The following COL11A2 variants were observed in gnomAD, a reference collection of about 807,000 sequenced individuals.
COL11A2 encodes collagen alpha-2(XI) chain.
Under a neutral mutation model 273.4 loss-of-function variants are expected in COL11A2, and 116 were observed. That is an observed-to-expected ratio of 0.42 (90% CI 0.36 to 0.49). The LOEUF is 0.49. Among genes scored for constraint, COL11A2 ranks in the 20% least tolerant of loss-of-function variants. COL11A2 has a pLI of 0.00. For synonymous variants in COL11A2, 782 were observed against 864.2 expected (o/e 0.90, Z 1.67); for missense variants, 1,866 against 2,309.0 (o/e 0.81, Z 3.93).
In COL11A2 at chr6:33,167,964, C is replaced by T. The variant is rs77011831; in HGVS notation, c.3961-112G>A. 1.3e-3 allele frequency: 1,510 copies of T among 1,140,754 alleles called. 30 individuals carry two copies. In the East Asian group the frequency reaches 0.028, roughly 21 times the overall value. 70.7% of individuals were successfully genotyped at this position (1,140,754 alleles called of 1,614,324 possible). Reference sequence around the variant, plus strand: ...ACACATGCACACACACACGTGCATACACAGGGACACGCGCCGAGGGCCGAT... The same window carrying T: ...ACACATGCACACACACACGTGCATATACAGGGACACGCGCCGAGGGCCGAT... On this transcript the variant is annotated intron_variant, in intron 54 of 65. Transcript: ENST00000341947. This position sits in a 1 kb window ranked among gnomAD's most constrained non-coding sequence, Gnocchi z 6.1.
chr6:33,181,088 G>A, intron 9 of COL11A2, 23 bp downstream of exon 9: 1 of 1,614,098 alleles, frequency 6.2e-7, no homozygotes, highest in East Asian at 2.2e-5. Context: ...CACTGCCTCA[G>A]CCCTGTGACC....
Position 33,178,036 on chromosome 6 carries a change from C to A in COL11A2, c.1872+96G>T, listed in dbSNP as rs1031166712. ...GAGCTCACAGGGAATGGGAAGCATG[C>A]CGAGAGAGGAGAGGGAGCAGGAAGG... On this transcript the variant is annotated intron_variant, in intron 21 of 65. Coordinates refer to ENST00000341947, the MANE Select transcript of COL11A2 (RefSeq NM_080680.3). This position sits in a 1 kb window ranked among gnomAD's most constrained non-coding sequence, Gnocchi z 4.6. The A allele has an allele frequency of 2.3e-6, 3 of 1,288,494 alleles. No individual in the cohort carries two copies. Among genetic ancestry groups the A allele is most frequent in the African/African-American group, 2.9e-5 (2 of 67,888 alleles). The allele number at this position is 1,288,494 out of a possible 1,614,324, so 79.8% of individuals were successfully genotyped here.
At chr6:33,182,555 A>C (rs1179678437) in intron 8 of COL11A2, among the ~76,000 whole-genome samples, 1 of 151,326 alleles carries the variant, frequency 6.6e-6, no homozygotes, top group Admixed American at 6.6e-5. Flanking sequence ...TACTAAAAAT[A>C]CAAAAAATAG....
chr6:33,170,850 G>T lies in COL11A2; in HGVS notation c.3434C>A (p.Thr1145Lys). 6.2e-7 allele frequency: 1 copy of T among 1,613,004 alleles called. No individual in the cohort carries two copies. The highest frequency in any genetic ancestry group is 8.5e-7 in the Non-Finnish European group (1 of 1,180,016). ...GHFGAKGDEGTRGFNGPPGPI... is the reference protein window; with the variant it reads ...GHFGAKGDEGKRGFNGPPGPI... ...TCCTGGGGGCCCATTGAATCCTCTT[G>T]TTCCTTCATCACCTTTGGCTCCAAA... The change falls in exon 46 of 66, where the codon ACA (threonine) becomes AAA (lysine). Residue 1145 changes from threonine to lysine, a missense_variant. Coordinates refer to ENST00000341947, the MANE Select transcript of COL11A2 (RefSeq NM_080680.3). This position sits in a 1 kb window ranked among gnomAD's most constrained non-coding sequence, Gnocchi z 4.3.
rs1325367204 is a variant in COL11A2 at position 33,167,364 on chromosome 6, C to T, written c.4123-47G>A. On this transcript the variant is annotated intron_variant, in intron 56 of 65. Transcript: ENST00000341947. The surrounding 1 kb of genome is among the most constrained non-coding windows in gnomAD (Gnocchi z 6.1). ...AGGGGTCAGGAGGAGCATCCCCACA[C>T]TGCACCCCTCCCATGGCCCCTCACT... is the stretch of plus-strand genomic sequence containing the variant. 1.2e-6 allele frequency: 2 copies of T among 1,612,770 alleles called. No individual in the cohort carries two copies. Among genetic ancestry groups the T allele is most frequent in the South Asian group, 2.2e-5 (2 of 91,070 alleles).
At position 33,179,453 on chromosome 6, in the gene COL11A2, T is replaced by C; in HGVS notation, c.1481A>G (p.Tyr494Cys). The C allele has an allele frequency of 6.4e-7, 1 of 1,568,838 alleles. No homozygotes were observed. The highest frequency in any genetic ancestry group is 8.6e-7 in the Non-Finnish European group (1 of 1,157,004). The change falls in exon 14 of 66, where the codon TAC becomes TGC. Residue 494 changes from tyrosine (Y) to cysteine (C), a missense_variant. Transcript: ENST00000341947. The surrounding 1 kb of genome is among the most constrained non-coding windows in gnomAD (Gnocchi z 6.4). ...ALRGPPGPMGYTGRPGPLGQP... is the reference protein window; with the variant it reads ...ALRGPPGPMGCTGRPGPLGQP... ...CACCAAGGGTCCAGGGCGCCCTGTGTATCCCATGGGGCCAGGGGGTCCACG... is the reference window on the plus strand; with the variant it reads ...CACCAAGGGTCCAGGGCGCCCTGTGCATCCCATGGGGCCAGGGGGTCCACG...
rs778687561 is a variant in COL11A2 at position 33,192,247 on chromosome 6, GA to G, written c.-8del. ...AGCGGCTGCACCGCTCCATGGCTGA[GA>G]AGCCGAAACGCCGGGTCCCAGGGAC... On this transcript the variant is annotated 5_prime_UTR_variant, in exon 1 of 66. Coordinates refer to ENST00000341947, the MANE Select transcript of COL11A2 (RefSeq NM_080680.3). 6.4e-7 allele frequency: 1 copy of G among 1,555,046 alleles called. No individual in the cohort carries two copies. Among genetic ancestry groups the G allele is most frequent in the African/African-American group, 1.4e-5 (1 of 73,546 alleles).
Position 33,177,116 on chromosome 6 carries a change from C to A in COL11A2, c.2016+65G>T. 1.2e-6 allele frequency: 2 copies of A among 1,612,470 alleles called. No individual in the cohort carries two copies. The highest frequency in any genetic ancestry group is 1.7e-6 in the Non-Finnish European group (2 of 1,179,630). On this transcript the variant is annotated intron_variant, in intron 24 of 65. Coordinates refer to ENST00000341947, the MANE Select transcript of COL11A2 (RefSeq NM_080680.3). This position sits in a 1 kb window ranked among gnomAD's most constrained non-coding sequence, Gnocchi z 5.9. ...TGGACACAGACAAAATCCCAGCAGA[C>A]ATTTAGGGTTCTCCCTACATCCCCA...
Position 33,165,783 on chromosome 6 carries a change from T to A in COL11A2, c.4516A>T (p.Ile1506Phe). 1 of 1,612,934 alleles carries A rather than the reference T, an allele frequency of 6.2e-7. No homozygotes were observed. The highest frequency in any genetic ancestry group is 8.5e-7 in the Non-Finnish European group (1 of 1,179,926). Reference sequence around the variant, plus strand: ...CGCCGAGTCTTCTTGGGCATCTGAATGGGCAGTGGCTGGATCACCTCGCCT... The same window carrying A: ...CGCCGAGTCTTCTTGGGCATCTGAAAGGGCAGTGGCTGGATCACCTCGCCT... ...PPGEVIQPLP[I>F]QMPKKTRRSV... is the part of the protein sequence containing the mutation. The change falls in exon 63 of 66, where the codon ATT becomes TTT. Residue 1506 changes from isoleucine (I) to phenylalanine (F), a missense_variant. Physicochemically the swap from Ile to Phe is conservative, Grantham distance 21. Coordinates refer to ENST00000341947, the MANE Select transcript of COL11A2 (RefSeq NM_080680.3). The surrounding 1 kb of genome is among the most constrained non-coding windows in gnomAD (Gnocchi z 7.7).
rs778456611 is a variant in COL11A2 at position 33,177,078 on chromosome 6, G to A, written c.2017-33C>T. 2 of 1,612,674 alleles carry A rather than the reference G, an allele frequency of 1.2e-6. No homozygotes were observed. Among genetic ancestry groups the A allele is most frequent in the Admixed American group, 1.7e-5 (1 of 59,986 alleles). On this transcript the variant is annotated intron_variant, in intron 24 of 65. Transcript: ENST00000341947. The surrounding 1 kb of genome is among the most constrained non-coding windows in gnomAD (Gnocchi z 5.9). ...AAGACAAAGAGGCTCAGGGTCACTA[G>A]AGGGGTCATGTCTGGACACAGACAA...
At chr6:33,192,553 C>T, upstream of COL11A2, 1 of 501,244 alleles carries the variant, frequency 2.0e-6, no homozygotes, top group South Asian at 2.2e-5. Flanking sequence ...CCCACAGCCA[C>T]CGAAGGGAAA....
chr6:33,166,923 G>T lies in COL11A2; in HGVS notation c.4231-96C>A. 1.3e-6 allele frequency: 2 copies of T among 1,518,712 alleles called. No individual in the cohort carries two copies. Among genetic ancestry groups the T allele is most frequent in the East Asian group, 2.4e-5 (1 of 42,374 alleles). 94.1% of individuals were successfully genotyped at this position (1,518,712 alleles called of 1,614,324 possible). A position where few individuals can be genotyped will look rare whatever the true frequency, so the allele number is the denominator to read the frequency against. On this transcript the variant is annotated intron_variant, in intron 58 of 65. Transcript: ENST00000341947. The surrounding 1 kb of genome is among the most constrained non-coding windows in gnomAD (Gnocchi z 4.8). ...GACATGGAGAGGGAGCCGGGCACAG[G>T]GTCCGTGAGTGGCCCTCACTGAGCA...
At chr6:33,185,328 TG>T (rs1772259358) in intron 6 of COL11A2, among the ~76,000 whole-genome samples, 1 of 151,722 alleles carries the variant, frequency 6.6e-6, no homozygotes, top group Non-Finnish European at 1.5e-5. Context: ...GGCCAGGCAG[TG>T]GGGGAAGCTG....
Position 33,175,559 on chromosome 6 carries a change from C to A in COL11A2, c.2376+15G>T, listed in dbSNP as rs112527721. 9.3e-6 allele frequency: 15 copies of A among 1,610,004 alleles called. No homozygotes were observed. Among genetic ancestry groups the A allele is most frequent in the Middle Eastern group, 1.7e-4 (1 of 6,042 alleles). On this transcript the variant is annotated intron_variant, in intron 30 of 65. Coordinates refer to ENST00000341947, the MANE Select transcript of COL11A2 (RefSeq NM_080680.3). ...ACCCCCAGAGGACCCAGGCACAGAA[C>A]CCTCATCCCATCACCTTCTCGCCCA...
Position 33,167,604 on chromosome 6 carries a change from A to T in COL11A2, c.4015-71T>A. 1 of 1,529,522 alleles carries T rather than the reference A, an allele frequency of 6.5e-7. No homozygotes were observed. The highest frequency in any genetic ancestry group is 9.0e-7 in the Non-Finnish European group (1 of 1,113,866). 94.7% of individuals were successfully genotyped at this position (1,529,522 alleles called of 1,614,324 possible). ...GTGTGGGCAGGGGGCAGAGGGTCCA[A>T]GGTGGGAGGCAGGAGGCAGGGAGGA... On this transcript the variant is annotated intron_variant, in intron 55 of 65. Transcript: ENST00000341947. The surrounding 1 kb of genome is among the most constrained non-coding windows in gnomAD (Gnocchi z 6.1).
At position 33,177,538 on chromosome 6, in the gene COL11A2, C is replaced by A; in HGVS notation, c.1918-73G>T. On this transcript the variant is annotated intron_variant, in intron 22 of 65. Coordinates refer to ENST00000341947, the MANE Select transcript of COL11A2 (RefSeq NM_080680.3). This position sits in a 1 kb window ranked among gnomAD's most constrained non-coding sequence, Gnocchi z 5.9. ...CACATTTAGAGCATGGAGCTGAGTC[C>A]CAGCAGCGATAGCCAAGAAGGCAAG... The A allele has an allele frequency of 6.3e-7, 1 of 1,589,846 alleles. No individual in the cohort carries two copies. The highest frequency in any genetic ancestry group is 8.6e-7 in the Non-Finnish European group (1 of 1,160,706).
In COL11A2 at chr6:33,189,970, G is replaced by T. The variant is rs377233561; in HGVS notation, c.83-501C>A. On this transcript the variant is annotated intron_variant, in intron 1 of 65. Coordinates refer to ENST00000341947, the MANE Select transcript of COL11A2 (RefSeq NM_080680.3). The surrounding 1 kb of genome is among the most constrained non-coding windows in gnomAD (Gnocchi z 5.6). Reference sequence around the variant, plus strand: ...TCTCTGGGTCTCTGGCATCTGTCCCGTCTCCAGCACAAACAACATCTGGGC... The same window carrying T: ...TCTCTGGGTCTCTGGCATCTGTCCCTTCTCCAGCACAAACAACATCTGGGC... Among the ~76,000 whole-genome samples, 1 of 151,992 alleles carries T rather than the reference G, an allele frequency of 6.6e-6. No individual in the cohort carries two copies. The highest frequency in any genetic ancestry group is 2.4e-5 in the African/African-American group (1 of 41,420).
At position 33,190,102 on chromosome 6, in the gene COL11A2, G is replaced by C. The variant is rs938100814; in HGVS notation, c.83-633C>G. 7.9e-5 allele frequency among the ~76,000 whole-genome samples: 12 copies of C among 152,100 alleles called. No homozygotes were observed. The highest frequency in any genetic ancestry group is 3.3e-4 in the Admixed American group (5 of 15,270). On this transcript the variant is annotated intron_variant, in intron 1 of 65. Coordinates refer to ENST00000341947, the MANE Select transcript of COL11A2 (RefSeq NM_080680.3). This position sits in a 1 kb window ranked among gnomAD's most constrained non-coding sequence, Gnocchi z 4.5. ...GCAGCTACAGATCCCAGGTTTGGGGGATGGGGTGGGAACAACCCTGAGCAT... is the reference window on the plus strand; with the variant it reads ...GCAGCTACAGATCCCAGGTTTGGGGCATGGGGTGGGAACAACCCTGAGCAT...
At position 33,167,394 on chromosome 6, in the gene COL11A2, C is replaced by G; in HGVS notation, c.4122+32G>C. 6.2e-7 allele frequency: 1 copy of G among 1,611,204 alleles called. No homozygotes were observed. Among genetic ancestry groups the G allele is most frequent in the Non-Finnish European group, 8.5e-7 (1 of 1,178,522 alleles). On this transcript the variant is annotated intron_variant, in intron 56 of 65. Coordinates refer to ENST00000341947, the MANE Select transcript of COL11A2 (RefSeq NM_080680.3). The surrounding 1 kb of genome is among the most constrained non-coding windows in gnomAD (Gnocchi z 6.1). ...CCCCTCCCATGGCCCCTCACTCCCA[C>G]CCCAGCCCAGCCCTTCCCTGCAGTG...
Sources: gnomAD v4.1 joint callset for allele counts (sites outside exome capture counted in the v4.1 genomes callset) on GRCh38, gnomAD v4.1.1 for gene constraint, Gnocchi (gnomAD v3.1) non-coding constraint, MANE v1.5 for transcripts, NCBI Gene and HGNC (gene_info 2026-07-23, HGNC 2026-07-21) for gene names.